The following NOS1 variants were observed in gnomAD, a reference collection of about 807,000 sequenced individuals.
The protein encoded by NOS1 is nitric oxide synthase 1, also known as NOS type I.
Under a neutral mutation model 164.5 loss-of-function variants are expected in NOS1, and 51 were observed. The ratio of observed to expected loss-of-function variants is 0.31; its 90% CI spans 0.25 to 0.39. The LOEUF (loss-of-function observed/expected upper bound fraction) is 0.39, where lower values mean the gene tolerates loss of function less well. Among genes scored for constraint, NOS1 ranks in the 10% least tolerant of loss-of-function variants. The pLI, the probability that NOS1 is intolerant of heterozygous loss-of-function variation, is 1.00. For synonymous variants in NOS1, 719 were observed against 745.8 expected (o/e 0.96, Z 0.59); for missense variants, 1,362 against 1,885.6 (o/e 0.72, Z 5.14).
Position 117,208,378 on chromosome 12 carries a change from G to C in NOS1, c.*6931C>G. The C allele has an allele frequency of 1.6e-6, 2 of 1,288,264 alleles. No individual in the cohort carries two copies. The highest frequency in any genetic ancestry group is 2.0e-6 in the Non-Finnish European group (2 of 988,642). The allele number at this position is 1,288,264 out of a possible 1,614,324, so 79.8% of individuals were successfully genotyped here. ...GAGCTCAGAGGTAGGGGGGACGGCC[G>C]AGTTTCTGACAGCGTGTGTGTGTGT... is the stretch of plus-strand genomic sequence containing the variant. On this transcript the variant is annotated 3_prime_UTR_variant, in exon 29 of 29. Transcript: ENST00000317775.
At chr12:117,227,910 T>C (rs1211090834) in intron 22 of NOS1, among the ~76,000 whole-genome samples, 2 of 151,920 alleles carry the variant, frequency 1.3e-5, no homozygotes, top group African/African-American at 2.4e-5. Flanking sequence ...ATGTCTGCAG[T>C]ACCCCAGTTT....
chr12:117,209,035 T>C lies in NOS1; in HGVS notation c.*6274A>G. ...ACCACGCCTGGCCTGGGAGGGGTTT[T>C]TGAAAGCATACTGCCCTCCCCATGC... is the stretch of plus-strand genomic sequence containing the variant. On this transcript the variant is annotated 3_prime_UTR_variant, in exon 29 of 29. Coordinates refer to ENST00000317775, the MANE Select transcript of NOS1 (RefSeq NM_000620.5). 1.0e-6 allele frequency: 1 copy of C among 985,354 alleles called. No individual in the cohort carries two copies. The highest frequency in any genetic ancestry group is 1.2e-6 in the Non-Finnish European group (1 of 829,948). The allele number at this position is 985,354 out of a possible 1,614,324, so 61.0% of individuals were successfully genotyped here.
In NOS1 at chr12:117,227,496, G is replaced by C. The variant is rs774777379; in HGVS notation, c.3551C>G (p.Ser1184Cys). 1.2e-6 allele frequency: 2 copies of C among 1,613,278 alleles called. No homozygotes were observed. Among genetic ancestry groups the C allele is most frequent in the Non-Finnish European group, 1.7e-6 (2 of 1,179,618 alleles). ...TTCATCAGGGTACATGTCTGGGGAG[G>C]AGCTGATGGAATAGTAGCGGGGCTG... is the stretch of plus-strand genomic sequence containing the variant. The part of the protein sequence containing the change: ...LLQPRYYSIS[S>C]SPDMYPDEVH... Residue 1184 changes from serine to cysteine, a missense_variant, in exon 23 of 29, where the codon TCC (serine) becomes TGC (cysteine). Coordinates refer to ENST00000317775, the MANE Select transcript of NOS1 (RefSeq NM_000620.5).
intron 17 of NOS1, among the ~76,000 whole-genome samples, chr12:117,249,552 A>C (rs1374272734): frequency 6.6e-6 from 1 of 152,230 alleles, no homozygotes; most frequent in Non-Finnish European, 1.5e-5. Flanking sequence ...TAATGAAAAG[A>C]CCAGAAGAAA....
At chr12:117,328,529 A>G (rs1048405825) in intron 2 of NOS1, among the ~76,000 whole-genome samples, 2 of 151,880 alleles carry the variant, frequency 1.3e-5, no homozygotes, top group African/African-American at 2.4e-5. Context: ...AAAGTTCTCA[A>G]TATTTCTGAT....
At chr12:117,286,701 G>A (rs1874145130) in intron 5 of NOS1, among the ~76,000 whole-genome samples, 1 of 152,056 alleles carries the variant, frequency 6.6e-6, no homozygotes, top group Non-Finnish European at 1.5e-5. Flanking sequence ...TTACAAAATG[G>A]TATACAGGAT....
At chr12:117,351,493 G>A (rs992207644) in intron 1 of NOS1, among the ~76,000 whole-genome samples, 11 of 152,100 alleles carry the variant, frequency 7.2e-5, no homozygotes, top group African/African-American at 2.7e-4. Context: ...TAAATTACTT[G>A]GAAATCCCAG....
chr12:117,323,537 G>A (rs940106561), intron 2 of NOS1, among the ~76,000 whole-genome samples: 2 of 152,076 alleles, frequency 1.3e-5, no homozygotes, highest in East Asian at 1.9e-4. Context: ...CCCTGGTTTC[G>A]CCATCAGGAA....
chr12:117,249,443 T>A (rs972810033), intron 17 of NOS1, among the ~76,000 whole-genome samples: 4 of 152,214 alleles, frequency 2.6e-5, no homozygotes, highest in African/African-American at 9.6e-5. Flanking sequence ...AATTAGTCTA[T>A]GTTAGTGGAA....
chr12:117,245,199 T>C (rs1386811509), intron 18 of NOS1, among the ~76,000 whole-genome samples: 2 of 152,188 alleles, frequency 1.3e-5, no homozygotes, highest in Admixed American at 6.5e-5. Flanking sequence ...GGTTGCATAG[T>C]ACCCTTTCCC....
At chr12:117,294,990 G>T (rs142663526) in intron 3 of NOS1, among the ~76,000 whole-genome samples, 1 of 152,266 alleles carries the variant, frequency 6.6e-6, no homozygotes, top group East Asian at 1.9e-4. Flanking sequence ...AGGGAGGTGC[G>T]GTCACGTCAG....
chr12:117,351,984 C>G (rs577628910), intron 1 of NOS1, among the ~76,000 whole-genome samples: 1 of 152,202 alleles, frequency 6.6e-6, no homozygotes, highest in South Asian at 2.1e-4. Context: ...AACTTGAAAC[C>G]ACCTTGGGCA....
chr12:117,269,507 G>T (rs564017874), intron 10 of NOS1, among the ~76,000 whole-genome samples: 2 of 124,638 alleles, frequency 1.6e-5, no homozygotes, highest in South Asian at 2.7e-4. Flanking sequence ...TCACTCTGTC[G>T]CCAGGCTGGA....
intron 20 of NOS1, 106 bp downstream of exon 20, chr12:117,242,521 A>T: frequency 1.1e-6 from 1 of 937,208 alleles, no homozygotes. Flanking sequence ...GGCACTTTGC[A>T]ATGATTGGAG....
chr12:117,357,807 T>G (rs1360727176), intron 1 of NOS1, among the ~76,000 whole-genome samples: 1 of 152,208 alleles, frequency 6.6e-6, no homozygotes, highest in Non-Finnish European at 1.5e-5. Flanking sequence ...GATTAGATGA[T>G]GTTTAAATGT....
At chr12:117,293,347 G>C (rs1873185987) in intron 3 of NOS1, among the ~76,000 whole-genome samples, 1 of 152,176 alleles carries the variant, frequency 6.6e-6, no homozygotes, top group Non-Finnish European at 1.5e-5. Flanking sequence ...TGCAGGACAA[G>C]CCACGGGTGG....
intron 7 of NOS1, among the ~76,000 whole-genome samples, 180 bp downstream of exon 7, chr12:117,285,056 AAAAAT>A (rs1429689795): frequency 3.3e-5 from 5 of 151,052 alleles, no homozygotes; most frequent in African/African-American, 9.7e-5. Context: ...TCTCAAAAAA[AAAAAT>A]AAATAAATAA....
Position 117,330,986 on chromosome 12 carries a change from C to T in NOS1, c.84G>A (p.Leu28=). ...TGACCCGCTCCTTCACCAGAAATCC[C>T]AGGCCCCCAACTTTGCGCTTGAAGA... is the stretch of plus-strand genomic sequence containing the variant. ...VRLFKRKVGG[L]GFLVKERVSK... The change falls in exon 2 of 29, where the codon CTG becomes CTA. Residue 28 remains leucine, a synonymous_variant. Coordinates refer to ENST00000317775, the MANE Select transcript of NOS1 (RefSeq NM_000620.5). The surrounding 1 kb of genome is among the most constrained non-coding windows in gnomAD (Gnocchi z 4.6). 1 of 1,614,218 alleles carries T rather than the reference C, an allele frequency of 6.2e-7. No individual in the cohort carries two copies. The highest frequency in any genetic ancestry group is 8.5e-7 in the Non-Finnish European group (1 of 1,180,038).
At chr12:117,249,345 T>C (rs899497831) in intron 17 of NOS1, among the ~76,000 whole-genome samples, 4 of 152,172 alleles carry the variant, frequency 2.6e-5, no homozygotes, top group African/African-American at 7.2e-5. Flanking sequence ...AATATTCTAA[T>C]TGGTTCTAAG....
Sources: allele counts gnomAD v4.1 joint callset (sites outside exome capture counted in the v4.1 genomes callset), GRCh38; gene constraint gnomAD v4.1.1; non-coding constraint Gnocchi (gnomAD v3.1); transcripts MANE v1.5; gene names NCBI Gene and HGNC (gene_info 2026-07-23, HGNC 2026-07-21).